CDC42BPA: variants seen among roughly 807,000 people sequenced by gnomAD.
CDC42BPA encodes serine/threonine-protein kinase MRCK alpha.
Under a neutral mutation model 223.5 loss-of-function variants are expected in CDC42BPA, and 80 were observed. That is an observed-to-expected ratio of 0.36 (90% CI 0.30 to 0.43). The LOEUF (loss-of-function observed/expected upper bound fraction) is 0.43, where lower values mean the gene tolerates loss of function less well. Ranked by LOEUF, CDC42BPA falls within the 20% of genes least tolerant of loss-of-function variation. CDC42BPA has a pLI of 1.00. For missense variants in CDC42BPA, 1,743 were observed against 2,099.9 expected (o/e 0.83, Z 3.32); for synonymous variants, 694 against 718.6 (o/e 0.97, Z 0.55).
At chr1:227,092,699 A>T (rs1683300580) in intron 15 of CDC42BPA, among the ~76,000 whole-genome samples, 1 of 152,206 alleles carries the variant, frequency 6.6e-6, no homozygotes, top group South Asian at 2.1e-4. Context: ...AATTTTAAAA[A>T]ATTTACTTCG....
At chr1:227,192,087 A>G (rs1669816098) in intron 5 of CDC42BPA, among the ~76,000 whole-genome samples, 1 of 152,234 alleles carries the variant, frequency 6.6e-6, no homozygotes, top group Non-Finnish European at 1.5e-5. Context: ...AAAGCCAAAC[A>G]GAGATCTGAT....
chr1:227,231,193 T>C (rs1041063187), intron 2 of CDC42BPA, among the ~76,000 whole-genome samples: 23 of 129,152 alleles, frequency 1.8e-4, no homozygotes, highest in Non-Finnish European at 2.0e-4. Flanking sequence ...TGTCCAAGCG[T>C]TCTCGTTGTT....
intron 17 of CDC42BPA, among the ~76,000 whole-genome samples, chr1:227,080,382 C>A (rs1680390500): frequency 6.6e-6 from 1 of 151,910 alleles, no homozygotes. Flanking sequence ...AACTAAATCC[C>A]AAGAGCTTAA....
At chr1:227,179,646 A>AAAAAAAAAAAAAAAAC (rs1667589016) in intron 5 of CDC42BPA, among the ~76,000 whole-genome samples, 1 of 149,350 alleles carries the variant, frequency 6.7e-6, no homozygotes, top group Non-Finnish European at 1.5e-5. Flanking sequence ...AAAAAAAAAA[A>AAAAAAAAAAAAAAAAC]AAAAAAAAAA....
rs759775286 is a variant in CDC42BPA at position 227,119,826 on chromosome 1, T to C, written c.1625A>G (p.Gln542Arg). ...AYEKQIKTLQ[Q>R]EREDLNKELV... ...TACCTTATTTAGATCTTCTCTTTCT[T>C]GTTGTAACGTTTTGATTTGTTTTTC... The change falls in exon 12 of 37, where the codon CAA becomes CGA. Residue 542 changes from glutamine to arginine, a missense_variant. Physicochemically the swap from Gln to Arg is conservative, Grantham distance 43. Coordinates refer to ENST00000366766, the MANE Select transcript of CDC42BPA (RefSeq NM_001394014.1). The C allele has an allele frequency of 6.3e-7, 1 of 1,587,066 alleles. No individual in the cohort carries two copies. Among genetic ancestry groups the C allele is most frequent in the South Asian group, 1.1e-5 (1 of 87,212 alleles).
chr1:227,087,459 T>C (rs921791489), intron 16 of CDC42BPA, among the ~76,000 whole-genome samples: 1 of 152,244 alleles, frequency 6.6e-6, no homozygotes, highest in African/African-American at 2.4e-5. Context: ...TAAAATTACA[T>C]AGTGTTAATC....
At chr1:227,277,785 T>C (rs888710510) in intron 1 of CDC42BPA, among the ~76,000 whole-genome samples, 1 of 152,222 alleles carries the variant, frequency 6.6e-6, no homozygotes, top group African/African-American at 2.4e-5. Context: ...AGTCTCACTC[T>C]GTCGCCCAGG....
chr1:227,010,906 G>A (rs1391339326), intron 34 of CDC42BPA: 1 of 1,364,878 alleles, frequency 7.3e-7, no homozygotes, highest in Middle Eastern at 2.1e-4. Flanking sequence ...TGGTGTACCA[G>A]GGACAGAGCG....
At position 227,249,748 on chromosome 1, in the gene CDC42BPA, G is replaced by A. The variant is rs542449598; in HGVS notation, c.270+4316C>T. Among the ~76,000 whole-genome samples the A allele has an allele frequency of 2.6e-5, 4 of 152,186 alleles. No homozygotes were observed. In the South Asian group the frequency reaches 6.2e-4, roughly 24 times the overall value. ...AAATGCAAATCAAAACTACAATGAG[G>A]TATCATCTCACCCCAGTTAAAATGA... On this transcript the variant is annotated intron_variant, in intron 2 of 36. Coordinates refer to ENST00000366766, the MANE Select transcript of CDC42BPA (RefSeq NM_001394014.1).
intron 1 of CDC42BPA, among the ~76,000 whole-genome samples, chr1:227,287,643 C>T (rs532839052): frequency 6.6e-6 from 1 of 152,220 alleles, no homozygotes; most frequent in South Asian, 2.1e-4. Context: ...TAGGCAGAGG[C>T]TAGGCAGAGG....
At chr1:227,072,090 G>A in intron 20 of CDC42BPA, 118 bp downstream of exon 20, 1 of 586,568 alleles carries the variant, frequency 1.7e-6, no homozygotes, top group Non-Finnish European at 3.0e-6. Flanking sequence ...ATAAATGAGT[G>A]CCAGAATTGC....
chr1:227,245,282 A>ATTTTTTTTTT (rs1558857197), intron 2 of CDC42BPA, among the ~76,000 whole-genome samples: 1 of 129,394 alleles, frequency 7.7e-6, no homozygotes, highest in Non-Finnish European at 1.6e-5. Context: ...TTTGTCTTGC[A>ATTTTTTTTTT]TCTTTTTTTT....
chr1:227,240,115 T>C (rs1028321950), intron 2 of CDC42BPA, among the ~76,000 whole-genome samples: 1 of 152,086 alleles, frequency 6.6e-6, no homozygotes, highest in African/African-American at 2.4e-5. Context: ...AAAAATCAAC[T>C]ATATTATCTA....
At chr1:227,192,852 C>A (rs1669944939) in intron 5 of CDC42BPA, among the ~76,000 whole-genome samples, 1 of 151,928 alleles carries the variant, frequency 6.6e-6, no homozygotes. Context: ...AAAGTATTTT[C>A]TTGAGAAACA....
chr1:227,124,311 A>G (rs595932), intron 11 of CDC42BPA, among the ~76,000 whole-genome samples: 43,109 of 152,016 alleles, frequency 0.28, 6,330 homozygotes, highest in African/African-American at 0.35. Context: ...AACAGTCATT[A>G]ATGGTGGGTA....
Position 227,254,074 on chromosome 1 carries a change from G to C in CDC42BPA, c.260C>G (p.Ala87Gly). ...ATCTTAATCTCTTACCTCCCCAAAAGCTCCTCGACCAATCACCTTTAATAT... is the reference window on the plus strand; with the variant it reads ...ATCTTAATCTCTTACCTCCCCAAAACCTCCTCGACCAATCACCTTTAATAT... ...FEILKVIGRG[A>G]FGEVAVVKLK... The change falls in exon 2 of 37, where the codon GCT (alanine) becomes GGT (glycine). Residue 87 changes from alanine to glycine, a missense_variant. This residue lies in a region of CDC42BPA where 321 missense variants were observed against 488.7 expected (regional missense o/e 0.66). Coordinates refer to ENST00000366766, the MANE Select transcript of CDC42BPA (RefSeq NM_001394014.1). 1.3e-6 allele frequency: 2 copies of C among 1,584,174 alleles called. No homozygotes were observed. The highest frequency in any genetic ancestry group is 1.7e-6 in the Non-Finnish European group (2 of 1,158,118).
intron 6 of CDC42BPA, among the ~76,000 whole-genome samples, chr1:227,158,194 A>G (rs1663171906): frequency 1.3e-5 from 2 of 152,212 alleles, no homozygotes; most frequent in South Asian, 2.1e-4. Context: ...TCCTGACCTC[A>G]GGTGATCCAC....
intron 1 of CDC42BPA, among the ~76,000 whole-genome samples, chr1:227,268,290 C>T (rs1685342149): frequency 6.6e-6 from 1 of 152,156 alleles, no homozygotes; most frequent in African/African-American, 2.4e-5. Context: ...AGCTGGCACA[C>T]AGACGGTGCA....
At position 227,005,070 on chromosome 1, in the gene CDC42BPA, T is replaced by C; in HGVS notation, c.4899A>G (p.Ser1633=). The C allele has an allele frequency of 1.9e-6, 3 of 1,614,200 alleles. No homozygotes were observed. The East Asian group carries it at 6.7e-5, about 36-fold the overall frequency. ...ATTTGGTGATAGATGGAATACTGACTGAGCCACTGAATACTGTCCGACTTT... is the reference window on the plus strand; with the variant it reads ...ATTTGGTGATAGATGGAATACTGACCGAGCCACTGAATACTGTCCGACTTT... The part of the protein sequence containing the change: ...PQESRTVFSG[S]VSIPSITKSR... The change falls in exon 35 of 37, where the codon TCA becomes TCG. Residue 1633 remains serine (S), a synonymous_variant. Transcript: ENST00000366766.
Sources: gnomAD v4.1 joint callset for allele counts (sites outside exome capture counted in the v4.1 genomes callset) on GRCh38, gnomAD v4.1.1 for gene constraint, gnomAD v4.1.1 regional missense constraint, MANE v1.5 for transcripts, NCBI Gene and HGNC (gene_info 2026-07-23, HGNC 2026-07-21) for gene names.